Variants in SFRP1 observed in about 807,000 individuals in gnomAD.
SFRP1 encodes secreted frizzled-related protein 1.
Under a neutral mutation model 25.9 loss-of-function variants are expected in SFRP1, and 9 were observed. That is an observed-to-expected ratio of 0.35 (90% confidence interval 0.21 to 0.61). SFRP1 has a LOEUF of 0.61. SFRP1 is among the 20% of genes least tolerant of loss of function. The pLI is 0.78. For synonymous variants in SFRP1, 178 were observed against 174.0 expected, an observed-to-expected ratio of 1.02 and a Z score of -0.18; for missense variants, 346 against 418.2, an observed-to-expected ratio of 0.83 and a Z score of 1.51.
chr8:41,283,916 T>A (rs993133966), intron 2 of SFRP1, among the ~76,000 whole-genome samples: 3 of 152,036 alleles, frequency 2.0e-5, no homozygotes, highest in Admixed American at 6.6e-5. Flanking sequence ...CACAAAGAGT[T>A]GATTAGAGCT....
At chr8:41,288,373 A>G (rs896769106) in intron 2 of SFRP1, among the ~76,000 whole-genome samples, 1 of 151,726 alleles carries the variant, frequency 6.6e-6, no homozygotes, top group Non-Finnish European at 1.5e-5. Context: ...AAATGAAATA[A>G]AAATAAAAAT....
intron 1 of SFRP1, among the ~76,000 whole-genome samples, chr8:41,305,457 A>G: frequency 6.6e-6 from 1 of 152,118 alleles, no homozygotes; most frequent in Non-Finnish European, 1.5e-5. Context: ...TGTTTTTACC[A>G]CGGCTTTCCC....
intron 2 of SFRP1, among the ~76,000 whole-genome samples, chr8:41,294,286 T>C (rs943318577): frequency 6.6e-6 from 1 of 152,156 alleles, no homozygotes; most frequent in African/African-American, 2.4e-5. Context: ...GGGGATTTCC[T>C]TCAGCCATAA....
chr8:41,270,474 A>C (rs1027395589), intron 2 of SFRP1, among the ~76,000 whole-genome samples: 1 of 152,194 alleles, frequency 6.6e-6, no homozygotes, highest in Non-Finnish European at 1.5e-5. Context: ...AGGGACAGAC[A>C]GGGATGCCAG....
chr8:41,281,274 C>T (rs534763534), intron 2 of SFRP1, among the ~76,000 whole-genome samples: 52 of 152,252 alleles, frequency 3.4e-4, no homozygotes, highest in African/African-American at 1.2e-3. Context: ...CAGCCTTCAC[C>T]AGCAAGCTTT....
intron 1 of SFRP1, 31 bp from the exon 2 acceptor site, chr8:41,303,569 G>C (rs1230656819): frequency 6.4e-7 from 1 of 1,571,192 alleles, no homozygotes; most frequent in African/African-American, 1.3e-5. Flanking sequence ...AAACGGAACT[G>C]TAAGTTACAG....
chr8:41,306,665 G>C, intron 1 of SFRP1: 1 of 1,570,526 alleles, frequency 6.4e-7, no homozygotes, highest in Non-Finnish European at 8.6e-7. Flanking sequence ...CTCCCGACCG[G>C]CCCTCTCCCC....
At chr8:41,266,581 A>G (rs957562324) in intron 2 of SFRP1, among the ~76,000 whole-genome samples, 2 of 150,208 alleles carry the variant, frequency 1.3e-5, no homozygotes, top group African/African-American at 4.9e-5. Flanking sequence ...GATTGCAGGC[A>G]TGCACCATCA....
intron 2 of SFRP1, among the ~76,000 whole-genome samples, chr8:41,286,860 C>T (rs929962144): frequency 3.3e-5 from 5 of 152,212 alleles, no homozygotes; most frequent in African/African-American, 1.2e-4. Context: ...AAGGTTCACC[C>T]ACCAACACAG....
intron 2 of SFRP1, among the ~76,000 whole-genome samples, chr8:41,273,258 G>A (rs1467828320): frequency 6.6e-6 from 1 of 152,186 alleles, no homozygotes; most frequent in Non-Finnish European, 1.5e-5. Context: ...GGGAGGCAGA[G>A]GTAGGCAGAT....
At chr8:41,285,675 C>G (rs1258375316) in intron 2 of SFRP1, among the ~76,000 whole-genome samples, 1 of 152,200 alleles carries the variant, frequency 6.6e-6, no homozygotes, top group Admixed American at 6.5e-5. Flanking sequence ...GCCCAGCCCC[C>G]CAACCCTTCC....
At position 41,262,454 on chromosome 8, in the gene SFRP1, G is replaced by A. The variant is rs1803387112; in HGVS notation, c.*2713C>T. 6.6e-6 allele frequency: 1 copy of A among 152,100 alleles called. No homozygotes were observed. Among genetic ancestry groups the A allele is most frequent in the Non-Finnish European group, 1.5e-5 (1 of 68,008 alleles). 9.4% of individuals were successfully genotyped at this position (152,100 alleles called of 1,614,324 possible). A position where few individuals can be genotyped will look rare whatever the true frequency, so the allele number is the denominator to read the frequency against. On this transcript the variant is annotated 3_prime_UTR_variant, in exon 3 of 3. Transcript: ENST00000220772. ...GAGCTCTGATTGAATTCTACCCTGG[G>A]GAGAACTTGATGCTAACCCACAGGT...
chr8:41,280,080 G>C (rs906946091), intron 2 of SFRP1, among the ~76,000 whole-genome samples: 4 of 152,186 alleles, frequency 2.6e-5, no homozygotes, highest in Non-Finnish European at 5.9e-5. Flanking sequence ...CTGAGCCTGG[G>C]CCCAAGCCAC....
chr8:41,276,320 G>T (rs1242328577), intron 2 of SFRP1, among the ~76,000 whole-genome samples: 1 of 152,212 alleles, frequency 6.6e-6, no homozygotes, highest in Non-Finnish European at 1.5e-5. Context: ...ATGAGATTCA[G>T]TAACAGCACT....
At chr8:41,288,133 A>G (rs111813057) in intron 2 of SFRP1, among the ~76,000 whole-genome samples, 1,540 of 152,200 alleles carry the variant, frequency 0.01, 17 homozygotes, top group African/African-American at 0.035. Flanking sequence ...CAAGGCAGGC[A>G]GATCACCTGA....
chr8:41,291,579 T>A (rs372546548), intron 2 of SFRP1, among the ~76,000 whole-genome samples: 3 of 152,174 alleles, frequency 2.0e-5, no homozygotes, highest in African/African-American at 4.8e-5. Context: ...AGCTCCCTTC[T>A]GTATGCTCCC....
At chr8:41,294,579 AATTTGT>A (rs1803817219) in intron 2 of SFRP1, among the ~76,000 whole-genome samples, 1 of 152,174 alleles carries the variant, frequency 6.6e-6, no homozygotes, top group Non-Finnish European at 1.5e-5. Context: ...ATCCTTTCAG[AATTTGT>A]AAATGATGTC....
rs555386682 is a variant in SFRP1, at chr8:41,265,079, G to A, written c.*88C>T. ...TGTCCACTACTGACAGGCGCAGTGCGTGTGTGTGACCCACCGGGTTCCCGG... is the reference window on the plus strand; with the variant it reads ...TGTCCACTACTGACAGGCGCAGTGCATGTGTGTGACCCACCGGGTTCCCGG... On this transcript the variant is annotated 3_prime_UTR_variant, in exon 3 of 3. Transcript: ENST00000220772. 368 of 875,270 alleles carry A rather than the reference G, an allele frequency of 4.2e-4. 2 individuals are homozygous for A. In the African/African-American group the frequency reaches 5.1e-3, roughly 12 times the overall value. The allele number at this position is 875,270 out of a possible 1,614,324, so 54.2% of individuals were successfully genotyped here.
At chr8:41,299,499 TA>T (rs576175856) in intron 2 of SFRP1, among the ~76,000 whole-genome samples, 5,354 of 55,676 alleles carry the variant, frequency 0.096, 141 homozygotes, top group Non-Finnish European at 0.11. Flanking sequence ...TTCTCCTTTA[TA>T]AAAAAAAAAA....
Sources: allele counts gnomAD v4.1 joint callset (sites outside exome capture counted in the v4.1 genomes callset), GRCh38; gene constraint gnomAD v4.1.1; transcripts MANE v1.5; gene names NCBI Gene and HGNC (gene_info 2026-07-23, HGNC 2026-07-21).